Variants in SPTBN5 observed in about 807,000 individuals in gnomAD.
SPTBN5 encodes the protein spectrin beta, non-erythrocytic 5.
Under a neutral mutation model 477.6 loss-of-function variants are expected in SPTBN5, and 513 were observed. That is an observed-to-expected ratio of 1.07 (90% CI 1.00 to 1.16). The LOEUF (loss-of-function observed/expected upper bound fraction) is 1.16, where lower values mean the gene tolerates loss of function less well. Ranked by LOEUF, SPTBN5 falls within the 50% of genes most tolerant of loss-of-function variation. The pLI, the probability that SPTBN5 is intolerant of heterozygous loss-of-function variation, is 0.00. For missense variants in SPTBN5, 5,062 were observed against 4,731.8 expected, an observed-to-expected ratio of 1.07 and a Z score of -2.05; for synonymous variants, 2,169 against 2,011.7, an observed-to-expected ratio of 1.08 and a Z score of -2.09.
Position 41,866,415 on chromosome 15 carries a change from G to C in SPTBN5, c.6559C>G (p.Pro2187Ala), listed in dbSNP as rs757941007. The change falls in exon 37 of 68, where the codon CCC (proline) becomes GCC (alanine). Residue 2187 changes from proline to alanine, a missense_variant. Physicochemically the swap from Pro to Ala is conservative, Grantham distance 27. Transcript: ENST00000320955. ...TCAAAGGCCTGGTGTTTCAGCAGGG[G>C]CTTCAGCTTATCTCTCAGGTCCCCA... The part of the protein sequence containing the change: ...PPGDLRDKLK[P>A]LLKHQAFEAE... 3.7e-6 allele frequency: 6 copies of C among 1,611,834 alleles called. No homozygotes were observed. Among genetic ancestry groups the C allele is most frequent in the South Asian group, 3.3e-5 (3 of 90,730 alleles).
Position 41,861,490 on chromosome 15 carries a change from G to A in SPTBN5, c.7744C>T (p.Leu2582=). 1 of 1,613,474 alleles carries A rather than the reference G, an allele frequency of 6.2e-7. No homozygotes were observed. Among genetic ancestry groups the A allele is most frequent in the African/African-American group, 1.3e-5 (1 of 75,076 alleles). The change falls in exon 46 of 68, where the codon CTG becomes TTG. Residue 2582 remains leucine (L), a synonymous_variant. Transcript: ENST00000320955. ...CGTTCCATCTTCTCCACTGAGCTCAGAAACAGCTGAGAACAAAGGAAAAGG... is the reference window on the plus strand; with the variant it reads ...CGTTCCATCTTCTCCACTGAGCTCAAAAACAGCTGAGAACAAAGGAAAAGG... ...LQQALELQLF[L]SSVEKMERWL...
intron 6 of SPTBN5, among the ~76,000 whole-genome samples, 181 bp downstream of exon 6, chr15:41,887,032 G>A (rs900406044): frequency 1.3e-5 from 2 of 152,226 alleles, no homozygotes; most frequent in Non-Finnish European, 2.9e-5. Context: ...CATGCTCCCT[G>A]GAACACTCAC....
chr15:41,857,124 G>T, intron 51 of SPTBN5, 85 bp from the exon 52 acceptor site: 2 of 1,517,732 alleles, frequency 1.3e-6, no homozygotes, highest in Non-Finnish European at 8.9e-7. Flanking sequence ...TCACCCAGCT[G>T]TGGCCCTCAC....
Position 41,885,742 on chromosome 15 carries a change from C to G in SPTBN5, c.1513G>C (p.Ala505Pro). ...QEQYHSWADVARRQEEVTVRW... is the reference protein window; with the variant it reads ...QEQYHSWADVPRRQEEVTVRW... ...TCATGTGCTGGGGCTCACCTGCGGG[C>G]CACATCTGCCCAGCTGTGGTACTGC... Residue 505 changes from alanine (A) to proline (P), a missense_variant, in exon 7 of 68, where the codon GCC becomes CCC. Physicochemically the swap from Ala to Pro is conservative, Grantham distance 27 (BLOSUM62 -1). Transcript: ENST00000320955. 6.4e-7 allele frequency: 1 copy of G among 1,554,704 alleles called. No homozygotes were observed. The highest frequency in any genetic ancestry group is 8.7e-7 in the Non-Finnish European group (1 of 1,149,378).
Position 41,849,950 on chromosome 15 carries a change from A to C in SPTBN5, c.10931T>G (p.Leu3644Arg), listed in dbSNP as rs575924212. ...AGGTTTGGCTTTGAGTTTTGGGCTCAGACTCTGGGCTGCAGAGCAAGGGAA... is the reference window on the plus strand; with the variant it reads ...AGGTTTGGCTTTGAGTTTTGGGCTCCGACTCTGGGCTGCAGAGCAAGGGAA... Reference protein sequence around the residue: ...RALGSTAAQSLSPKLKAKPVS... With the variant: ...RALGSTAAQSRSPKLKAKPVS... Residue 3644 changes from leucine (L) to arginine (R), a missense_variant, in exon 67 of 68, where the codon CTG becomes CGG. Coordinates refer to ENST00000320955, the MANE Select transcript of SPTBN5 (RefSeq NM_016642.4). The C allele has an allele frequency of 1.3e-6, 2 of 1,592,120 alleles. No homozygotes were observed. Among genetic ancestry groups the C allele is most frequent in the East Asian group, 2.3e-5 (1 of 43,956 alleles).
At position 41,858,953 on chromosome 15, in the gene SPTBN5, C is replaced by T; in HGVS notation, c.8016G>A (p.Gly2672=). 6.3e-7 allele frequency: 1 copy of T among 1,584,274 alleles called. No individual in the cohort carries two copies. The highest frequency in any genetic ancestry group is 1.1e-5 in the South Asian group (1 of 87,650). Residue 2672 remains glycine, a synonymous_variant, in exon 48 of 68, where the codon GGG becomes GGA. Coordinates refer to ENST00000320955, the MANE Select transcript of SPTBN5 (RefSeq NM_016642.4). ...GCTCCTCCAGGCGATGGCGGCGGGT[C>T]CCGGCTTGCCTGAAGAGCGCCTCCT... ...LRKEALFRQA[G]TRRHRLEELR...
chr15:41,864,124 G>T, intron 39 of SPTBN5, 100 bp from the exon 40 acceptor site: 1 of 983,520 alleles, frequency 1.0e-6, no homozygotes, highest in Non-Finnish European at 1.5e-6. Context: ...CCCGGAGCAT[G>T]AGGAACTGCA....
Position 41,852,658 on chromosome 15 carries a change from C to T in SPTBN5, c.10425G>A (p.Lys3475=). ...LEKLLAAQEE[K]FAQMQKTEME... is the part of the protein sequence containing the mutation. The stretch of plus-strand genomic sequence containing the variant: ...CCTCTGTCTTTTGCATTTGGGCAAA[C>T]TTCTCTTCCTGGGCTGCCAGCAGCT... Residue 3475 remains lysine, a synonymous_variant, in exon 61 of 68, where the codon AAG becomes AAA. Coordinates refer to ENST00000320955, the MANE Select transcript of SPTBN5 (RefSeq NM_016642.4). The T allele has an allele frequency of 6.2e-7, 1 of 1,613,626 alleles. No homozygotes were observed. The highest frequency in any genetic ancestry group is 8.5e-7 in the Non-Finnish European group (1 of 1,179,890).
Position 41,893,306 on chromosome 15 carries a change from G to C in SPTBN5, c.192C>G (p.Ile64Met). 1.9e-6 allele frequency: 3 copies of C among 1,614,002 alleles called. No individual in the cohort carries two copies. Among genetic ancestry groups the C allele is most frequent in the Non-Finnish European group, 2.5e-6 (3 of 1,179,894 alleles). The change falls in exon 2 of 68, where the codon ATC becomes ATG. Residue 64 changes from isoleucine to methionine, a missense_variant. Ile to Met is a conservative substitution (Grantham distance 10). Transcript: ENST00000320955. Reference protein sequence around the residue: ...QMQEKTFTKWINNVFQCGQAG... With the variant: ...QMQEKTFTKWMNNVFQCGQAG... ...CCTGGCCGCACTGGAAGACGTTATT[G>C]ATCCACTTGGTGAAAGTCTTCTCCT...
Position 41,861,836 on chromosome 15 carries a change from C to A in SPTBN5, c.7636G>T (p.Asp2546Tyr). The change falls in exon 45 of 68, where the codon GAC (aspartate) becomes TAC (tyrosine). Residue 2546 changes from aspartate (D) to tyrosine (Y), a missense_variant. Physicochemically the swap from Asp to Tyr is radical, Grantham distance 160 (BLOSUM62 -3). Coordinates refer to ENST00000320955, the MANE Select transcript of SPTBN5 (RefSeq NM_016642.4). ...LLTAGHPFSS[D>Y]IRQVLAGLEQ... ...AAGCCAGCCAGCACCTGGCGAATGT[C>A]GGAGCTGAAGGGGTGCCCCGCTGTG... 1 of 1,605,562 alleles carries A rather than the reference C, an allele frequency of 6.2e-7. No homozygotes were observed. The highest frequency in any genetic ancestry group is 2.2e-5 in the East Asian group (1 of 44,768).
chr15:41,870,532 T>C lies in SPTBN5; in HGVS notation c.5476A>G (p.Thr1826Ala), dbSNP rs929290307. The C allele has an allele frequency of 2.5e-6, 4 of 1,610,942 alleles. No homozygotes were observed. Among genetic ancestry groups the C allele is most frequent in the Non-Finnish European group, 2.5e-6 (3 of 1,179,768 alleles). Residue 1826 changes from threonine to alanine, a missense_variant, in exon 30 of 68, where the codon ACC (threonine) becomes GCC (alanine). By Grantham distance (58) the Thr-to-Ala change is moderately conservative (BLOSUM62 0). Transcript: ENST00000320955. The stretch of plus-strand genomic sequence containing the variant: ...CGGAGCGCGTGGCCTCGGGCCTGGG[T>C]CAGCTCCCACAGCTCCGACCAGGCG... ...QTAWSELWEL[T>A]QARGHALRDT...
rs1418546243 is a variant in SPTBN5, at chr15:41,872,425, G to A, written c.5042C>T (p.Ser1681Phe). ...LQEELAIYWS[S>F]MEELDQTAQT... ...GGCCGTCTGGTCAAGCTCCTCCATG[G>A]AGCTCCAGTAAATGGCTAGTTCCTC... The change falls in exon 27 of 68, where the codon TCC (serine) becomes TTC (phenylalanine). Residue 1681 changes from serine (S) to phenylalanine (F), a missense_variant. By Grantham distance (155) the Ser-to-Phe change is radical. Transcript: ENST00000320955. The A allele has an allele frequency of 1.9e-6, 3 of 1,581,678 alleles. No individual in the cohort carries two copies. The highest frequency in any genetic ancestry group is 2.6e-6 in the Non-Finnish European group (3 of 1,164,370).
chr15:41,874,464 T>C lies in SPTBN5; in HGVS notation c.4517A>G (p.Gln1506Arg). 6.2e-7 allele frequency: 1 copy of C among 1,609,140 alleles called. No individual in the cohort carries two copies. Among genetic ancestry groups the C allele is most frequent in the African/African-American group, 1.3e-5 (1 of 74,782 alleles). ...QKHLRRLELL[Q>R]GHLAIRGLQL... is the part of the protein sequence containing the mutation. ...CAGGCCCCGGATGGCCAGATGCCCC[T>C]GCAGAAGCTCCAGCCTAGGAGGAGG... The change falls in exon 24 of 68, where the codon CAG (glutamine) becomes CGG (arginine). Residue 1506 changes from glutamine (Q) to arginine (R), a missense_variant. Gln to Arg is a conservative substitution (Grantham distance 43). Transcript: ENST00000320955.
chr15:41,887,622 A>T lies in SPTBN5; in HGVS notation c.660-181T>A, dbSNP rs139170468. On this transcript the variant is annotated intron_variant, in intron 5 of 67. Transcript: ENST00000320955. ...CTCTGACAGAGAAAGAGGAGAGTTC[A>T]TTCGGCACAGGGACCAGGCTGGGGG... Among the ~76,000 whole-genome samples the T allele has an allele frequency of 7.5e-3, 1,147 of 152,334 alleles. 3 individuals are homozygous for T. Among genetic ancestry groups the T allele is most frequent in the Middle Eastern group, 0.037 (11 of 294 alleles).
chr15:41,889,340 G>T (rs1012838053), intron 4 of SPTBN5, among the ~76,000 whole-genome samples: 5 of 152,200 alleles, frequency 3.3e-5, no homozygotes, highest in African/African-American at 1.2e-4. Flanking sequence ...CTCCAGGTTG[G>T]CTTTCCTTAC....
Position 41,870,495 on chromosome 15 carries a change from G to C in SPTBN5, c.5513C>G (p.Thr1838Ser), listed in dbSNP as rs750835113. Residue 1838 changes from threonine to serine, a missense_variant, in exon 30 of 68, where the codon ACC (threonine) becomes AGC (serine). Transcript: ENST00000320955. ...GAGATCTCTGTGAACTCTGAGGGTG[G>C]TCTCGGTGTCTCGGAGCGCGTGGCC... Reference protein sequence around the residue: ...ARGHALRDTETTLRVHRDLLE... With the variant: ...ARGHALRDTESTLRVHRDLLE... 2 of 1,613,270 alleles carry C rather than the reference G, an allele frequency of 1.2e-6. No homozygotes were observed. Among genetic ancestry groups the C allele is most frequent in the South Asian group, 2.2e-5 (2 of 91,066 alleles).
At chr15:41,874,164 CAG>C in intron 24 of SPTBN5, 119 bp from the exon 25 acceptor site, 1 of 1,501,516 alleles carries the variant, frequency 6.7e-7, no homozygotes, top group East Asian at 2.3e-5. Flanking sequence ...ATAGCTGGGG[CAG>C]AGATTTGGAA....
chr15:41,885,698 A>G, intron 7 of SPTBN5, 37 bp downstream of exon 7: 1 of 1,532,352 alleles, frequency 6.5e-7, no homozygotes, highest in Non-Finnish European at 8.8e-7. Context: ...GGACAGCCTC[A>G]GCCAGCTGTG....
rs1024943932 is a variant in SPTBN5, at chr15:41,848,326, A to C, written c.*290T>G. The C allele has an allele frequency of 5.1e-5, 28 of 544,506 alleles. 1 individual carries two copies. The South Asian group carries it at 5.4e-4, about 11-fold the overall frequency. The allele number at this position is 544,506 out of a possible 1,614,324, so 33.7% of individuals were successfully genotyped here. A position where few individuals can be genotyped will look rare whatever the true frequency, so the allele number is the denominator to read the frequency against. ...GAGTCACCCCTTCCAAGCAAGGAGG[A>C]GGCCACATGGGCCTGGGGTAGCCCT... On this transcript the variant is annotated 3_prime_UTR_variant, in exon 68 of 68. Transcript: ENST00000320955.
Sources: gnomAD v4.1 joint callset for allele counts (sites outside exome capture counted in the v4.1 genomes callset) on GRCh38, gnomAD v4.1.1 for gene constraint, MANE v1.5 for transcripts, NCBI Gene and HGNC (gene_info 2026-07-23, HGNC 2026-07-21) for gene names.